Variants in CCDC91 observed in about 807,000 individuals in gnomAD.
CCDC91 encodes the protein coiled-coil domain-containing protein 91.
In CCDC91, 48 loss-of-function variants were observed where a neutral mutation model predicts 63.2. The observed-to-expected ratio is 0.76, with a 90% CI of 0.60 to 0.97. The LOEUF (loss-of-function observed/expected upper bound fraction) is 0.97, where lower values mean the gene tolerates loss of function less well. Ranked by LOEUF, CCDC91 falls within the 50% of genes least tolerant of loss-of-function variation. The pLI is 0.00. For synonymous variants in CCDC91, 167 were observed against 165.8 expected (o/e 1.01, Z -0.06); for missense variants, 500 against 494.6 (o/e 1.01, Z -0.10).
intron 8 of CCDC91, among the ~76,000 whole-genome samples, chr12:28,420,928 T>C (rs958673946): frequency 5.9e-5 from 9 of 152,164 alleles, no homozygotes; most frequent in African/African-American, 2.2e-4. Context: ...CAGAACTTAG[T>C]TTATTCATGT....
At chr12:28,253,268 G>A (rs962927406) in intron 1 of CCDC91, among the ~76,000 whole-genome samples, 17 of 152,076 alleles carry the variant, frequency 1.1e-4, no homozygotes, top group African/African-American at 3.9e-4. Context: ...CAGCCCAGCC[G>A]CTGTTGTTTT....
chr12:28,307,462 C>T (rs1461134968), intron 5 of CCDC91, among the ~76,000 whole-genome samples, 183 bp from the exon 6 acceptor site: 1 of 151,772 alleles, frequency 6.6e-6, no homozygotes, highest in Non-Finnish European at 1.5e-5. Context: ...AATGTTGTGT[C>T]CATGTTTGAT....
chr12:28,324,209 G>C (rs1940777398), intron 6 of CCDC91, among the ~76,000 whole-genome samples: 1 of 151,770 alleles, frequency 6.6e-6, no homozygotes, highest in African/African-American at 2.4e-5. Context: ...GGGTGAGAAA[G>C]AGGAAAGAAT....
chr12:28,426,272 A>G (rs1948310733), intron 8 of CCDC91, among the ~76,000 whole-genome samples: 1 of 152,102 alleles, frequency 6.6e-6, no homozygotes, highest in African/African-American at 2.4e-5. Context: ...TGAATATAAT[A>G]CATATACTTT....
intron 8 of CCDC91, among the ~76,000 whole-genome samples, chr12:28,429,283 T>G (rs1228171441): frequency 6.6e-6 from 1 of 152,180 alleles, no homozygotes; most frequent in Non-Finnish European, 1.5e-5. Context: ...TTTATCACAG[T>G]CAAGTTTTAA....
At chr12:28,417,781 A>G (rs940452872) in intron 8 of CCDC91, among the ~76,000 whole-genome samples, 8 of 152,114 alleles carry the variant, frequency 5.3e-5, no homozygotes, top group African/African-American at 1.7e-4. Context: ...CAACCATGCA[A>G]TACTGGATTA....
At chr12:28,477,121 T>C (rs1169096737) in intron 11 of CCDC91, among the ~76,000 whole-genome samples, 1 of 152,194 alleles carries the variant, frequency 6.6e-6, no homozygotes. Context: ...ACTCATTTTA[T>C]GAGGCCAGCA....
chr12:28,476,626 A>G (rs1447054239), intron 11 of CCDC91, among the ~76,000 whole-genome samples: 1 of 152,024 alleles, frequency 6.6e-6, no homozygotes, highest in African/African-American at 2.4e-5. Context: ...GATCAGAGCA[A>G]AACTGAAGGA....
At chr12:28,522,707 A>G (rs1047294492) in intron 12 of CCDC91, among the ~76,000 whole-genome samples, 13 of 152,122 alleles carry the variant, frequency 8.5e-5, no homozygotes, top group African/African-American at 2.9e-4. Flanking sequence ...TCTTGTGGGC[A>G]TTTAGTGCTA....
At chr12:28,335,600 G>A (rs1289407519) in intron 6 of CCDC91, among the ~76,000 whole-genome samples, 1 of 151,262 alleles carries the variant, frequency 6.6e-6, no homozygotes, top group Admixed American at 6.6e-5. Context: ...TAGAGACTGA[G>A]CTTCCCTTTG....
At chr12:28,264,857 G>A (rs1947085071) in intron 3 of CCDC91, among the ~76,000 whole-genome samples, 4 of 151,714 alleles carry the variant, frequency 2.6e-5, no homozygotes, top group South Asian at 4.2e-4. Context: ...CACTCACTTA[G>A]CATATATTTG....
At position 28,307,734 on chromosome 12, in the gene CCDC91, A is replaced by G. The variant is rs372366027; in HGVS notation, c.561A>G (p.Arg187=). Residue 187 remains arginine (R), a synonymous_variant, in exon 6 of 13, where the codon AGA becomes AGG. Coordinates refer to ENST00000536442, the MANE Select transcript of CCDC91 (RefSeq NM_018318.5). ...AAGAGGCCATTTCTTTTCAAGATAG[A>G]TACAAAGAACTTCAGGTAAGGCGAT... ...KEQEAISFQD[R]YKELQEKHKQ... 3 of 1,569,654 alleles carry G rather than the reference A, an allele frequency of 1.9e-6. No individual in the cohort carries two copies. Among genetic ancestry groups the G allele is most frequent in the African/African-American group, 2.7e-5 (2 of 73,268 alleles).
intron 8 of CCDC91, among the ~76,000 whole-genome samples, chr12:28,442,837 A>G (rs1949298323): frequency 6.6e-6 from 1 of 151,864 alleles, no homozygotes; most frequent in Admixed American, 6.6e-5. Flanking sequence ...CAAATGTCAA[A>G]GTATGTTTGT....
chr12:28,413,744 C>G (rs184278480), intron 8 of CCDC91, among the ~76,000 whole-genome samples: 1 of 152,276 alleles, frequency 6.6e-6, no homozygotes, highest in Non-Finnish European at 1.5e-5. Context: ...TAAAAGCATG[C>G]TTTTACCTTT....
At chr12:28,382,233 T>C (rs1417504009) in intron 7 of CCDC91, among the ~76,000 whole-genome samples, 1 of 151,870 alleles carries the variant, frequency 6.6e-6, no homozygotes, top group African/African-American at 2.4e-5. Context: ...ATCTTTGAGA[T>C]CTATATTTTA....
chr12:28,191,230 CT>C (rs1358982075), intron 1 of CCDC91: 2 of 152,310 alleles, frequency 1.3e-5, no homozygotes, highest in East Asian at 3.8e-4. Flanking sequence ...TTTTCTCCAT[CT>C]GCGCGTGTCG....
intron 6 of CCDC91, among the ~76,000 whole-genome samples, chr12:28,351,443 A>G (rs1943172294): frequency 2.0e-5 from 3 of 152,184 alleles, no homozygotes; most frequent in South Asian, 4.1e-4. Flanking sequence ...GCCCATGACT[A>G]CAGTTTGGTG....
At chr12:28,218,994 C>G (rs1394143670) in intron 1 of CCDC91, among the ~76,000 whole-genome samples, 1 of 152,084 alleles carries the variant, frequency 6.6e-6, no homozygotes, top group Non-Finnish European at 1.5e-5. Context: ...GGTTGTGTGG[C>G]AAGTGTATGT....
At chr12:28,229,466 G>A (rs545863425) in intron 1 of CCDC91, among the ~76,000 whole-genome samples, 1 of 152,246 alleles carries the variant, frequency 6.6e-6, no homozygotes, top group South Asian at 2.1e-4. Context: ...CTTTAGGAAA[G>A]CCTTTGTCTA....
Sources: gnomAD v4.1 joint callset for allele counts (sites outside exome capture counted in the v4.1 genomes callset) on GRCh38, gnomAD v4.1.1 for gene constraint, MANE v1.5 for transcripts, NCBI Gene and HGNC (gene_info 2026-07-23, HGNC 2026-07-21) for gene names.